Variants in RBFOX1 observed in about 807,000 individuals in gnomAD.
RBFOX1 encodes the protein RNA binding protein fox-1 homolog 1.
RBFOX1 carries 8 observed loss-of-function variants against 57.7 expected under a neutral mutation model. The observed-to-expected ratio is 0.14, with a 90% CI of 0.08 to 0.25. RBFOX1 has a LOEUF of 0.25. RBFOX1 is among the 10% of genes least tolerant of loss of function. The probability of loss-of-function intolerance (pLI) is 1.00; values close to 1 mark genes in which losing one functional copy is unlikely to be tolerated. For missense variants in RBFOX1, 611 were observed against 548.5 expected, an observed-to-expected ratio of 1.11 and a Z score of -1.14; for synonymous variants, 326 against 222.4, an observed-to-expected ratio of 1.47 and a Z score of -4.15.
At chr16:7,106,984 A>AAAAACACACAC (rs529197707) in intron 4 of RBFOX1, among the ~76,000 whole-genome samples, 6 of 148,630 alleles carry the variant, frequency 4.0e-5, no homozygotes, top group Admixed American at 6.7e-5. Flanking sequence ...ACACAGTTAA[A>AAAAACACACAC]ACACACACAC....
intron 2 of RBFOX1, among the ~76,000 whole-genome samples, chr16:6,563,231 T>C (rs2097208219): frequency 6.6e-6 from 1 of 152,196 alleles, no homozygotes; most frequent in Admixed American, 6.5e-5. Context: ...AAGACAATTT[T>C]AGCATCCTGT....
intron 2 of RBFOX1, among the ~76,000 whole-genome samples, chr16:6,383,643 G>T (rs934921845): frequency 6.6e-6 from 1 of 152,060 alleles, no homozygotes; most frequent in Non-Finnish European, 1.5e-5. Context: ...TATGGTGTGT[G>T]CCTATAATCC....
At chr16:6,040,885 C>T (rs1596604596) in intron 1 of RBFOX1, among the ~76,000 whole-genome samples, 2 of 152,146 alleles carry the variant, frequency 1.3e-5, no homozygotes, top group Non-Finnish European at 1.5e-5. Context: ...TGAGCCACCA[C>T]ACCCCACCCC....
At chr16:5,626,526 C>T (rs1306605169) in intron 3 of RBFOX1, among the ~76,000 whole-genome samples, 2 of 152,096 alleles carry the variant, frequency 1.3e-5, no homozygotes, top group Admixed American at 1.3e-4. Context: ...TGAATTCTGG[C>T]GGAACACAGT....
chr16:7,315,980 A>G (rs2096429928), intron 4 of RBFOX1, among the ~76,000 whole-genome samples: 1 of 152,204 alleles, frequency 6.6e-6, no homozygotes, highest in Non-Finnish European at 1.5e-5. Context: ...GTAAAGACCC[A>G]TTATGCAATT....
chr16:6,500,770 A>C (rs2095886760), intron 2 of RBFOX1, among the ~76,000 whole-genome samples: 2 of 152,080 alleles, frequency 1.3e-5, no homozygotes, highest in African/African-American at 4.8e-5. Flanking sequence ...CTCCTCACAA[A>C]GATTATAAAC....
At chr16:5,258,848 G>A (rs141614693) in intron 1 of RBFOX1, among the ~76,000 whole-genome samples, 1 of 152,150 alleles carries the variant, frequency 6.6e-6, no homozygotes, top group Non-Finnish European at 1.5e-5. Flanking sequence ...GCCGGGAGGT[G>A]GAAGTTGCAG....
At chr16:6,333,637 T>C in intron 2 of RBFOX1, among the ~76,000 whole-genome samples, 1 of 152,186 alleles carries the variant, frequency 6.6e-6, no homozygotes, top group East Asian at 1.9e-4. Context: ...AAAATATATA[T>C]ATCAGAAATG....
rs113237661 is a variant in RBFOX1, at chr16:5,902,529, C to T, written c.351+35194C>T. Among the ~76,000 whole-genome samples, 657 of 152,226 alleles carry T rather than the reference C, an allele frequency of 4.3e-3. 7 individuals carry two copies. The highest frequency in any genetic ancestry group is 0.015 in the African/African-American group (629 of 41,536). ...CTCCCAGGTTCGAGTGATTCTCCCG[C>T]GCCAGCCACCCGAGTAGCTGGGATT... On this transcript the variant is annotated intron_variant, in intron 4 of 19. Transcript: ENST00000641259.
chr16:7,578,898 G>A (rs1396008394), intron 5 of RBFOX1, among the ~76,000 whole-genome samples: 3 of 152,142 alleles, frequency 2.0e-5, no homozygotes, highest in South Asian at 2.1e-4. Context: ...CAAATATGTG[G>A]GTGTCAATGT....
At chr16:7,527,600 C>T (rs928331118) in intron 5 of RBFOX1, among the ~76,000 whole-genome samples, 1 of 152,134 alleles carries the variant, frequency 6.6e-6, no homozygotes, top group African/African-American at 2.4e-5. Flanking sequence ...CAGAGCTTGA[C>T]ATTTTCATTC....
intron 3 of RBFOX1, among the ~76,000 whole-genome samples, chr16:6,824,345 G>T (rs564724298): frequency 6.6e-6 from 1 of 152,336 alleles, no homozygotes; most frequent in East Asian, 1.9e-4. Flanking sequence ...GGCACAGGTT[G>T]CATTGAGCTG....
intron 4 of RBFOX1, among the ~76,000 whole-genome samples, chr16:7,486,292 T>C (rs1364732316): frequency 6.7e-6 from 1 of 149,678 alleles, no homozygotes. Context: ...CCACCACGCC[T>C]GGTTCATTTT....
intron 5 of RBFOX1, among the ~76,000 whole-genome samples, chr16:7,570,164 T>C (rs2092625496): frequency 2.1e-5 from 1 of 47,402 alleles, no homozygotes; most frequent in African/African-American, 6.9e-5. Context: ...AAAATTTTAC[T>C]TTTTTTTTTT....
intron 3 of RBFOX1, among the ~76,000 whole-genome samples, chr16:6,893,460 T>C (rs2066003299): frequency 6.6e-6 from 1 of 152,156 alleles, no homozygotes. Context: ...AAACCTGAAC[T>C]CTAGTAGCTG....
At position 7,361,833 on chromosome 16, in the gene RBFOX1, T is replaced by G. The variant is rs549659216; in HGVS notation, c.28-156314T>G. ...GTATGTGTGTTAGTGTGTGTATGATTATGTATATATGTTTTGTGTGTCTGT... is the reference window on the plus strand; with the variant it reads ...GTATGTGTGTTAGTGTGTGTATGATGATGTATATATGTTTTGTGTGTCTGT... On this transcript the variant is annotated intron_variant, in intron 4 of 15. Coordinates refer to ENST00000550418, the MANE Select transcript of RBFOX1 (RefSeq NM_018723.4). Among the ~76,000 whole-genome samples, 4 of 152,044 alleles carry G rather than the reference T, an allele frequency of 2.6e-5. No individual in the cohort carries two copies. The South Asian group carries it at 8.3e-4, about 32-fold the overall frequency.
intron 3 of RBFOX1, among the ~76,000 whole-genome samples, chr16:6,693,321 A>G (rs2060513982): frequency 6.6e-6 from 1 of 150,986 alleles, no homozygotes; most frequent in Middle Eastern, 3.3e-3. Flanking sequence ...CAACACCACC[A>G]TCATCACCAT....
chr16:6,876,999 C>G (rs905232325), intron 3 of RBFOX1, among the ~76,000 whole-genome samples: 4 of 152,076 alleles, frequency 2.6e-5, no homozygotes, highest in Non-Finnish European at 5.9e-5. Flanking sequence ...AGTGGAGCAA[C>G]AAATGCATAC....
At chr16:6,730,539 C>G (rs1032031379) in intron 3 of RBFOX1, among the ~76,000 whole-genome samples, 16 of 152,144 alleles carry the variant, frequency 1.1e-4, no homozygotes, top group African/African-American at 3.9e-4. Context: ...GTCTATCAAT[C>G]TATGTATCTA....
Sources: gnomAD v4.1 joint callset for allele counts (sites outside exome capture counted in the v4.1 genomes callset) on GRCh38, gnomAD v4.1.1 for gene constraint, MANE v1.5 for transcripts, NCBI Gene and HGNC (gene_info 2026-07-23, HGNC 2026-07-21) for gene names.